Variants in COL21A1 observed in about 807,000 individuals in gnomAD.
COL21A1 encodes collagen alpha-1(XXI) chain.
Under a neutral mutation model 137.9 loss-of-function variants are expected in COL21A1, and 149 were observed. The observed-to-expected ratio is 1.08, with a 90% CI of 0.95 to 1.24. The LOEUF (loss-of-function observed/expected upper bound fraction) is 1.24. Ranked by LOEUF, COL21A1 falls within the 50% of genes most tolerant of loss-of-function variation. The pLI is 0.00. For missense variants in COL21A1, 1,167 were observed against 1,158.4 expected (o/e 1.01, Z -0.11); for synonymous variants, 456 against 391.5 (o/e 1.16, Z -1.95).
intron 1 of COL21A1, among the ~76,000 whole-genome samples, chr6:56,193,700 T>C (rs994959722): frequency 6.6e-6 from 1 of 152,136 alleles, no homozygotes; most frequent in African/African-American, 2.4e-5. Flanking sequence ...ACTGTCAATT[T>C]CCAAATTAGG....
At chr6:56,145,706 T>A in intron 10 of COL21A1, among the ~76,000 whole-genome samples, 1 of 152,150 alleles carries the variant, frequency 6.6e-6, no homozygotes, top group East Asian at 1.9e-4. Context: ...AACTTTCCTA[T>A]GATCTTTGAG....
intron 16 of COL21A1, among the ~76,000 whole-genome samples, chr6:56,105,300 A>C (rs1159618449): frequency 6.6e-6 from 1 of 152,224 alleles, no homozygotes; most frequent in African/African-American, 2.4e-5. Context: ...AAATAAAATA[A>C]GAGCCTTTGT....
At chr6:56,107,612 A>T (rs914050221) in intron 16 of COL21A1, among the ~76,000 whole-genome samples, 6 of 148,278 alleles carry the variant, frequency 4.0e-5, no homozygotes, top group African/African-American at 1.5e-4. Context: ...ACATGTTGGC[A>T]GTGTAAGCAA....
chr6:56,158,801 G>A (rs886401780), intron 9 of COL21A1, among the ~76,000 whole-genome samples: 1 of 152,064 alleles, frequency 6.6e-6, no homozygotes, highest in Admixed American at 6.6e-5. Flanking sequence ...CCCCCAAGAG[G>A]CTTAGCTTGA....
intron 1 of COL21A1, among the ~76,000 whole-genome samples, chr6:56,313,148 G>A (rs183306210): frequency 6.6e-6 from 1 of 152,060 alleles, no homozygotes; most frequent in Non-Finnish European, 1.5e-5. Flanking sequence ...CAAAGTACAG[G>A]GCAAGTGGAG....
chr6:56,181,410 G>A (rs1207532872), intron 2 of COL21A1, among the ~76,000 whole-genome samples: 1 of 146,018 alleles, frequency 6.8e-6, no homozygotes, highest in Non-Finnish European at 1.5e-5. Flanking sequence ...TTTTTTTTTT[G>A]CAGGGAGACG....
intron 1 of COL21A1, among the ~76,000 whole-genome samples, chr6:56,307,165 G>C (rs1764481741): frequency 6.6e-6 from 1 of 152,330 alleles, no homozygotes; most frequent in African/African-American, 2.4e-5. Flanking sequence ...GGCAACTTGG[G>C]GGTCAGGGAC....
At chr6:56,326,911 A>G (rs374473450) in intron 1 of COL21A1, among the ~76,000 whole-genome samples, 2 of 152,024 alleles carry the variant, frequency 1.3e-5, no homozygotes, top group East Asian at 1.9e-4. Context: ...AGTTACTTCC[A>G]CTGGATAGCT....
At chr6:56,232,147 T>G in intron 1 of COL21A1, among the ~76,000 whole-genome samples, 1 of 151,848 alleles carries the variant, frequency 6.6e-6, no homozygotes, top group East Asian at 1.9e-4. Context: ...CTGGAATGTG[T>G]CTTATTCTTA....
At chr6:56,260,721 GAGGC>G (rs1387641231) in intron 1 of COL21A1, among the ~76,000 whole-genome samples, 1 of 114,384 alleles carries the variant, frequency 8.7e-6, no homozygotes, top group East Asian at 2.0e-4. Flanking sequence ...GGCAGGAAGG[GAGGC>G]AGGCAGGAAG....
intron 1 of COL21A1, among the ~76,000 whole-genome samples, chr6:56,195,141 C>T (rs1173779093): frequency 4.6e-5 from 7 of 152,086 alleles, no homozygotes; most frequent in Admixed American, 1.3e-4. Context: ...GCCTCTTGAC[C>T]TTGGATTTCT....
intron 1 of COL21A1, among the ~76,000 whole-genome samples, chr6:56,236,138 G>C (rs1781881466): frequency 6.6e-6 from 1 of 151,998 alleles, no homozygotes. Flanking sequence ...AGGCTGACAA[G>C]AGTGGAGATA....
chr6:56,064,049 T>C (rs769822404), intron 24 of COL21A1, among the ~76,000 whole-genome samples: 5 of 152,096 alleles, frequency 3.3e-5, no homozygotes, highest in African/African-American at 4.8e-5. Flanking sequence ...TGAGAACAGT[T>C]TAGTCAAGAA....
intron 1 of COL21A1, among the ~76,000 whole-genome samples, chr6:56,372,656 G>C (rs1367324306): frequency 6.6e-6 from 1 of 152,160 alleles, no homozygotes; most frequent in African/African-American, 2.4e-5. Flanking sequence ...CTGGAGTGGG[G>C]GGAAAAAAGC....
intron 1 of COL21A1, among the ~76,000 whole-genome samples, chr6:56,385,387 G>A (rs752540915): frequency 3.3e-5 from 5 of 152,114 alleles, no homozygotes; most frequent in African/African-American, 4.8e-5. Context: ...AAGCTTGAGG[G>A]GAGACACCAT....
At chr6:56,343,217 C>T (rs1218429204) in intron 1 of COL21A1, among the ~76,000 whole-genome samples, 1 of 152,044 alleles carries the variant, frequency 6.6e-6, no homozygotes, top group East Asian at 1.9e-4. Flanking sequence ...TAGCAAGCAA[C>T]TAAATGTCTG....
intron 1 of COL21A1, among the ~76,000 whole-genome samples, chr6:56,191,242 GC>G (rs973774906): frequency 7.9e-5 from 12 of 152,120 alleles, no homozygotes; most frequent in African/African-American, 2.4e-4. Flanking sequence ...AAGCTGGTAA[GC>G]ACTTCAGCAA....
chr6:56,060,358 C>T (rs894337585), intron 27 of COL21A1, 140 bp from the exon 28 acceptor site: 1 of 721,152 alleles, frequency 1.4e-6, no homozygotes, highest in South Asian at 1.9e-5. Flanking sequence ...AATTTCACTT[C>T]TAGGAATTTG....
intron 2 of COL21A1, among the ~76,000 whole-genome samples, chr6:56,181,841 A>C (rs921769853): frequency 6.6e-5 from 10 of 152,168 alleles, no homozygotes; most frequent in Non-Finnish European, 1.2e-4. Context: ...CCAAGAAAAA[A>C]ACAAAGGAAA....
Sources: allele counts gnomAD v4.1 joint callset (sites outside exome capture counted in the v4.1 genomes callset), GRCh38; gene constraint gnomAD v4.1.1; transcripts MANE v1.5; gene names NCBI Gene and HGNC (gene_info 2026-07-23, HGNC 2026-07-21).